The following MAP2 variants were observed in gnomAD, a reference collection of about 807,000 sequenced individuals.
MAP2 encodes the protein microtubule associated protein 2.
In MAP2, 14 loss-of-function variants were observed where a neutral mutation model predicts 137.6. That is an observed-to-expected ratio of 0.10 (90% CI 0.07 to 0.16). The LOEUF (loss-of-function observed/expected upper bound fraction) is 0.16, where lower values mean the gene tolerates loss of function less well. Among genes scored for constraint, MAP2 ranks in the 10% least tolerant of loss-of-function variants. The pLI is 1.00. For synonymous variants in MAP2, 786 were observed against 782.3 expected, an observed-to-expected ratio of 1.00 and a Z score of -0.08; for missense variants, 2,088 against 2,191.5, an observed-to-expected ratio of 0.95 and a Z score of 0.94.
intron 13 of MAP2, among the ~76,000 whole-genome samples, chr2:209,715,110 C>T (rs2067006640): frequency 6.6e-6 from 1 of 151,988 alleles, no homozygotes; most frequent in Non-Finnish European, 1.5e-5. Context: ...TAATATACTA[C>T]ATTAAATTTG....
intron 1 of MAP2, among the ~76,000 whole-genome samples, chr2:209,496,656 C>T (rs1380574605): frequency 6.6e-6 from 1 of 152,164 alleles, no homozygotes; most frequent in Non-Finnish European, 1.5e-5. Flanking sequence ...AGCCCATTAT[C>T]CTCTACTTTT....
intron 2 of MAP2, among the ~76,000 whole-genome samples, chr2:209,535,515 T>C: frequency 6.6e-6 from 1 of 152,062 alleles, no homozygotes; most frequent in Non-Finnish European, 1.5e-5. Flanking sequence ...CAGCCATGAA[T>C]GCATGGTTCA....
chr2:209,451,504 A>G lies in MAP2; in HGVS notation c.-222+27228A>G, dbSNP rs551022289. 1.3e-3 allele frequency among the ~76,000 whole-genome samples: 202 copies of G among 152,172 alleles called. 1 individual carries two copies. The highest frequency in any genetic ancestry group is 4.7e-3 in the African/African-American group (197 of 41,542). On this transcript the variant is annotated intron_variant, in intron 1 of 15. Coordinates refer to ENST00000682079, the MANE Select transcript of MAP2 (RefSeq NM_001375505.1). Reference sequence around the variant, plus strand: ...AGTAGCTGTGGTGGGGTCTGTTTACACTGTTCCCTCCCCTTGCTCCCATGG... The same window carrying G: ...AGTAGCTGTGGTGGGGTCTGTTTACGCTGTTCCCTCCCCTTGCTCCCATGG...
chr2:209,704,905 A>T (rs1392669619), intron 11 of MAP2, among the ~76,000 whole-genome samples: 2 of 150,678 alleles, frequency 1.3e-5, no homozygotes, highest in Non-Finnish European at 3.0e-5. Context: ...ACAAAACAAA[A>T]TATATTCTAT....
At chr2:209,451,551 C>T (rs1246157741) in intron 1 of MAP2, among the ~76,000 whole-genome samples, 1 of 152,162 alleles carries the variant, frequency 6.6e-6, no homozygotes, top group Non-Finnish European at 1.5e-5. Flanking sequence ...TAACAGTTTT[C>T]TACTTTTCTA....
intron 1 of MAP2, among the ~76,000 whole-genome samples, chr2:209,452,274 G>T (rs1700493853): frequency 6.6e-6 from 1 of 152,114 alleles, no homozygotes; most frequent in South Asian, 2.1e-4. Flanking sequence ...AAATACTAAA[G>T]ACCTATTTCT....
At chr2:209,723,630 A>G (rs1157696810) in intron 13 of MAP2, 2 of 1,613,998 alleles carry the variant, frequency 1.2e-6, no homozygotes, top group East Asian at 4.5e-5. Context: ...ATTTTAGCAA[A>G]GTTCAGTCCA....
intron 3 of MAP2, among the ~76,000 whole-genome samples, chr2:209,619,488 A>G (rs762541817): frequency 2.6e-5 from 4 of 152,264 alleles, no homozygotes; most frequent in Non-Finnish European, 2.9e-5. Context: ...TCTGTCAAGT[A>G]GTGTTACATT....
chr2:209,659,648 T>G (rs1306388776), intron 5 of MAP2, among the ~76,000 whole-genome samples: 1 of 152,196 alleles, frequency 6.6e-6, no homozygotes, highest in Non-Finnish European at 1.5e-5. Context: ...GAGATGTTTA[T>G]TGATACTAAA....
chr2:209,627,053 G>T (rs1469173827), intron 4 of MAP2, among the ~76,000 whole-genome samples: 2 of 151,768 alleles, frequency 1.3e-5, no homozygotes, highest in East Asian at 3.9e-4. Context: ...TGGGACTCAT[G>T]ATTTTCATTC....
intron 2 of MAP2, among the ~76,000 whole-genome samples, chr2:209,575,385 A>G (rs113606117): frequency 0.018 from 2,712 of 151,688 alleles, 88 homozygotes; most frequent in African/African-American, 0.061. Context: ...GCCGGGCGTG[A>G]TGGCGGGTGC....
intron 7 of MAP2, among the ~76,000 whole-genome samples, chr2:209,687,995 C>T (rs1260385583): frequency 6.6e-6 from 1 of 152,144 alleles, no homozygotes; most frequent in Non-Finnish European, 1.5e-5. Flanking sequence ...TGCTCCTCCG[C>T]CCCGGCCTAC....
chr2:209,448,529 T>C (rs1276226029), intron 1 of MAP2, among the ~76,000 whole-genome samples: 3 of 152,166 alleles, frequency 2.0e-5, no homozygotes, highest in African/African-American at 7.2e-5. Flanking sequence ...AGAAATGTAT[T>C]CTCTTACAGT....
rs1333561421 is a variant in MAP2, at chr2:209,693,816, G to A, written c.1646G>A (p.Gly549Glu). The A allele has an allele frequency of 1.9e-6, 3 of 1,614,096 alleles. No homozygotes were observed. Among genetic ancestry groups the A allele is most frequent in the East Asian group, 2.2e-5 (1 of 44,878 alleles). The change falls in exon 8 of 16, where the codon GGA (glycine) becomes GAA (glutamate). Residue 549 changes from glycine (G) to glutamate (E), a missense_variant. Physicochemically the swap from Gly to Glu is moderately conservative, Grantham distance 98 (BLOSUM62 -2). Transcript: ENST00000682079. Reference protein sequence around the residue: ...MRVDDKDKIEGVGAATSAELD... With the variant: ...MRVDDKDKIEEVGAATSAELD... Reference sequence around the variant, plus strand: ...GTTGATGACAAAGATAAGATTGAAGGAGTTGGAGCTGCAACATCAGCTGAG... The same window carrying A: ...GTTGATGACAAAGATAAGATTGAAGAAGTTGGAGCTGCAACATCAGCTGAG...
At chr2:209,689,154 T>C (rs1002605447) in intron 7 of MAP2, among the ~76,000 whole-genome samples, 12 of 152,160 alleles carry the variant, frequency 7.9e-5, no homozygotes, top group Non-Finnish European at 1.3e-4. Context: ...TAAAATTCTT[T>C]TAACTGTAAT....
chr2:209,624,041 A>G (rs893362878), intron 3 of MAP2, among the ~76,000 whole-genome samples: 1 of 152,150 alleles, frequency 6.6e-6, no homozygotes, highest in Non-Finnish European at 1.5e-5. Context: ...TTTTGAATCA[A>G]ACTTATGTCT....
intron 14 of MAP2, among the ~76,000 whole-genome samples, chr2:209,728,536 A>G (rs1449948978): frequency 1.3e-5 from 2 of 152,262 alleles, no homozygotes; most frequent in Non-Finnish European, 2.9e-5. Context: ...ATTATGTAAT[A>G]TAATTTCAAG....
intron 2 of MAP2, among the ~76,000 whole-genome samples, chr2:209,529,938 A>G (rs1397182772): frequency 6.8e-6 from 1 of 147,380 alleles, no homozygotes; most frequent in African/African-American, 2.5e-5. Flanking sequence ...AACAAACTCA[A>G]TAATTCTATG....
chr2:209,435,510 G>A (rs1448002757), intron 1 of MAP2, among the ~76,000 whole-genome samples: 1 of 151,820 alleles, frequency 6.6e-6, no homozygotes, highest in East Asian at 1.9e-4. Flanking sequence ...TCCTTTTGGA[G>A]AACAGTTGCC....
Sources: allele counts gnomAD v4.1 joint callset (sites outside exome capture counted in the v4.1 genomes callset), GRCh38; gene constraint gnomAD v4.1.1; transcripts MANE v1.5; gene names NCBI Gene and HGNC (gene_info 2026-07-23, HGNC 2026-07-21).